The following GTF2A1L variants were observed in gnomAD, a reference collection of about 807,000 sequenced individuals.
GTF2A1L encodes the protein general transcription factor IIA subunit 1 like.
GTF2A1L carries 48 observed loss-of-function variants against 49.7 expected under a neutral mutation model. That is an observed-to-expected ratio of 0.97 (90% CI 0.77 to 1.23). The LOEUF (loss-of-function observed/expected upper bound fraction) is 1.23, where lower values mean the gene tolerates loss of function less well. Among genes scored for constraint, GTF2A1L ranks in the 50% most tolerant of loss-of-function variants. The pLI is 0.00. For synonymous variants in GTF2A1L, 246 were observed against 193.5 expected (o/e 1.27, Z -2.25); for missense variants, 736 against 564.8 (o/e 1.30, Z -3.07).
intron 6 of GTF2A1L, among the ~76,000 whole-genome samples, chr2:48,647,335 A>T (rs934325663): frequency 1.3e-5 from 2 of 152,162 alleles, no homozygotes; most frequent in African/African-American, 4.8e-5. Context: ...TTTTTAGTAT[A>T]ACTGTCAGTC....
intron 3 of GTF2A1L, among the ~76,000 whole-genome samples, chr2:48,633,710 A>G (rs2104122897): frequency 6.6e-6 from 1 of 152,222 alleles, no homozygotes; most frequent in Admixed American, 6.5e-5. Context: ...TCGATGATCT[A>G]ATGTTTTCAG....
At chr2:48,646,143 T>C (rs963133540) in intron 5 of GTF2A1L, among the ~76,000 whole-genome samples, 10 of 152,136 alleles carry the variant, frequency 6.6e-5, no homozygotes, top group Non-Finnish European at 1.2e-4. Context: ...TATCAAACAA[T>C]GGAAGAGGTT....
chr2:48,647,356 T>G (rs1677580803), intron 6 of GTF2A1L, among the ~76,000 whole-genome samples: 1 of 152,164 alleles, frequency 6.6e-6, no homozygotes, highest in Admixed American at 6.5e-5. Context: ...CTTGAAATAT[T>G]CATGCTTAGC....
In GTF2A1L at chr2:48,646,702, C is replaced by T. The variant is rs1408641265; in HGVS notation, c.638C>T (p.Ala213Val). The change falls in exon 6 of 9, where the codon GCC becomes GTC. Residue 213 changes from alanine (A) to valine (V), a missense_variant. Ala to Val is a moderately conservative substitution (Grantham distance 64, BLOSUM62 0). Transcript: ENST00000403751. Reference protein sequence around the residue: ...GPVDRKHLENATSDILVSPGN... With the variant: ...GPVDRKHLENVTSDILVSPGN... ...GTAGATAGGAAACACTTAGAAAATG[C>T]CACCAGTGATATACTTGTATCTCCT... 7 of 1,614,000 alleles carry T rather than the reference C, an allele frequency of 4.3e-6. No individual in the cohort carries two copies. Among genetic ancestry groups the T allele is most frequent in the Non-Finnish European group, 5.9e-6 (7 of 1,180,018 alleles).
intron 6 of GTF2A1L, among the ~76,000 whole-genome samples, chr2:48,649,659 C>T (rs1260771005): frequency 6.6e-6 from 1 of 152,192 alleles, no homozygotes; most frequent in Admixed American, 6.5e-5. Context: ...ATGCTCAGTG[C>T]ATGTTAGCAC....
intron 6 of GTF2A1L, among the ~76,000 whole-genome samples, chr2:48,662,726 G>A (rs899168616): frequency 1.3e-5 from 2 of 150,952 alleles, no homozygotes; most frequent in African/African-American, 4.9e-5. Flanking sequence ...TTCGGCTGAG[G>A]AATCTGCCAA....
chr2:48,675,438 G>A (rs1679413439), intron 8 of GTF2A1L, among the ~76,000 whole-genome samples: 2 of 152,022 alleles, frequency 1.3e-5, no homozygotes, highest in Non-Finnish European at 2.9e-5. Flanking sequence ...AAAATTTAGA[G>A]ATTAACAATT....
At chr2:48,677,782 T>C (rs1390615617) in intron 8 of GTF2A1L, among the ~76,000 whole-genome samples, 2 of 151,996 alleles carry the variant, frequency 1.3e-5, no homozygotes, top group African/African-American at 4.8e-5. Flanking sequence ...TTTTGGAATA[T>C]GAATATGTTT....
At chr2:48,640,254 C>T (rs1677127593) in intron 3 of GTF2A1L, among the ~76,000 whole-genome samples, 1 of 152,128 alleles carries the variant, frequency 6.6e-6, no homozygotes, top group Non-Finnish European at 1.5e-5. Context: ...ATGTTCATTA[C>T]AGCACTTTTC....
At chr2:48,628,516 C>A (rs1343079411) in intron 3 of GTF2A1L, among the ~76,000 whole-genome samples, 1 of 144,022 alleles carries the variant, frequency 6.9e-6, no homozygotes, top group East Asian at 1.9e-4. Flanking sequence ...ACTTCTATAT[C>A]TTTTGAGAAG....
At chr2:48,674,298 A>T (rs923336636) in intron 8 of GTF2A1L, among the ~76,000 whole-genome samples, 4 of 152,096 alleles carry the variant, frequency 2.6e-5, no homozygotes, top group Non-Finnish European at 5.9e-5. Context: ...AACCATTCTA[A>T]TGAGTGTGAA....
chr2:48,664,071 A>G (rs1678672943), intron 6 of GTF2A1L, among the ~76,000 whole-genome samples: 1 of 152,176 alleles, frequency 6.6e-6, no homozygotes, highest in East Asian at 1.9e-4. Flanking sequence ...TGCTTTATGT[A>G]GACTATAATC....
chr2:48,661,352 C>T (rs1327432030), intron 6 of GTF2A1L, among the ~76,000 whole-genome samples: 3 of 136,048 alleles, frequency 2.2e-5, no homozygotes, highest in Non-Finnish European at 4.6e-5. Context: ...GCCTTTGGGT[C>T]AGGTGATTCT....
At chr2:48,664,151 G>A (rs943115719) in intron 6 of GTF2A1L, among the ~76,000 whole-genome samples, 1 of 151,748 alleles carries the variant, frequency 6.6e-6, no homozygotes, top group African/African-American at 2.4e-5. Context: ...GCACTGACTA[G>A]GACTTCCAGT....
At chr2:48,645,179 G>A (rs1230664769) in intron 5 of GTF2A1L, 62 bp downstream of exon 5, 2 of 1,452,050 alleles carry the variant, frequency 1.4e-6, no homozygotes, top group East Asian at 4.7e-5. Context: ...TGGACATTAA[G>A]CTTCATGATT....
chr2:48,635,707 G>T (rs1676848883), intron 3 of GTF2A1L, among the ~76,000 whole-genome samples: 1 of 152,052 alleles, frequency 6.6e-6, no homozygotes, highest in Admixed American at 6.6e-5. Flanking sequence ...TCCAGAGCAG[G>T]TGCTTCAGTC....
chr2:48,617,903 A>G lies in GTF2A1L; in HGVS notation c.21+8A>G. 1 of 1,551,780 alleles carries G rather than the reference A, an allele frequency of 6.4e-7. No homozygotes were observed. The highest frequency in any genetic ancestry group is 8.7e-7 in the Non-Finnish European group (1 of 1,147,010). On this transcript the variant is annotated splice_region_variant and intron_variant, in intron 1 of 8. Transcript: ENST00000403751. The stretch of plus-strand genomic sequence containing the variant: ...GCCTGCCTCAACCCGGTGGTAAGGA[A>G]GACCTCAGGCTCTGTGTAGAGGGAG...
At chr2:48,632,374 T>G (rs1162362815) in intron 3 of GTF2A1L, 1 of 151,948 alleles carries the variant, frequency 6.6e-6, no homozygotes, top group Non-Finnish European at 1.5e-5. Context: ...TTAGACAACC[T>G]ACTTGACAAG....
At chr2:48,622,234 C>A (rs1676040294) in intron 3 of GTF2A1L, among the ~76,000 whole-genome samples, 2 of 152,176 alleles carry the variant, frequency 1.3e-5, no homozygotes, top group African/African-American at 4.8e-5. Flanking sequence ...GCAATTCTAA[C>A]ATATAAAAAT....
Sources: gnomAD v4.1 joint callset for allele counts (sites outside exome capture counted in the v4.1 genomes callset) on GRCh38, gnomAD v4.1.1 for gene constraint, MANE v1.5 for transcripts, NCBI Gene and HGNC (gene_info 2026-07-23, HGNC 2026-07-21) for gene names.